SLC5A4: variants seen among roughly 807,000 people sequenced by gnomAD.
SLC5A4 encodes probable glucose sensor protein SLC5A4.
A neutral mutation model predicts 70.3 loss-of-function variants in SLC5A4; 55 were observed. The observed-to-expected ratio is 0.78, with a 90% CI of 0.63 to 0.98. The LOEUF (loss-of-function observed/expected upper bound fraction) is 0.98. Ranked by LOEUF, SLC5A4 falls within the 50% of genes least tolerant of loss-of-function variation. The probability of loss-of-function intolerance (pLI) is 0.00; values close to 1 mark genes in which losing one functional copy is unlikely to be tolerated. For missense variants in SLC5A4, 735 were observed against 839.2 expected (o/e 0.88, Z 1.53); for synonymous variants, 268 against 305.7 (o/e 0.88, Z 1.29).
At chr22:32,220,168 G>A (rs182680046) in intron 14 of SLC5A4, among the ~76,000 whole-genome samples, 2 of 152,084 alleles carry the variant, frequency 1.3e-5, no homozygotes, top group Non-Finnish European at 1.5e-5. Flanking sequence ...TCTGATTCAT[G>A]CTATGATAAC....
chr22:32,334,907 G>A, the SLC5A4 span, among the ~76,000 whole-genome samples: 25 of 152,360 alleles, frequency 1.6e-4, no homozygotes, highest in African/African-American at 6.0e-4. Flanking sequence ...GGGCATTTAT[G>A]ATAAGGACTT....
Position 32,224,422 on chromosome 22 carries a change from ACT to A in SLC5A4, c.1508_1509del (p.Glu503ValfsTer13), listed in dbSNP as rs746656883. The A allele has an allele frequency of 6.2e-7, 1 of 1,613,798 alleles. No homozygotes were observed. Among genetic ancestry groups the A allele is most frequent in the African/African-American group, 1.3e-5 (1 of 74,840 alleles). On this transcript the variant is annotated frameshift_variant, in exon 13 of 15. Transcript: ENST00000266086. LOFTEE classifies it high-confidence loss of function. The stretch of plus-strand genomic sequence containing the variant: ...AAGCAACTCCCTGTTCCATAAGCAA[ACT>A]CTGTTATCATACGAATGAGGCCCAT... ...LAMGLIRMITEFAYGTGSCLA... is the reference protein window; with the variant it reads ...LAMGLIRMITXFAYGTGSCLA...
the SLC5A4 span, among the ~76,000 whole-genome samples, chr22:32,308,342 T>C: frequency 6.6e-6 from 1 of 152,078 alleles, no homozygotes. Context: ...ATAGACACGG[T>C]GATTGCGAAG....
the SLC5A4 span, chr22:32,276,987 A>G: frequency 2.6e-5 from 4 of 152,156 alleles, no homozygotes; most frequent in South Asian, 8.3e-4. Flanking sequence ...ATCTCTTATG[A>G]CTATCAAACT....
chr22:32,310,916 C>G, the SLC5A4 span, among the ~76,000 whole-genome samples: 16 of 152,224 alleles, frequency 1.1e-4, no homozygotes, highest in African/African-American at 3.4e-4. Flanking sequence ...GGCACTCTTG[C>G]CCTCATCTCC....
chr22:32,219,211 C>G (rs192154275), intron 14 of SLC5A4, among the ~76,000 whole-genome samples: 3 of 152,220 alleles, frequency 2.0e-5, no homozygotes, highest in East Asian at 3.9e-4. Context: ...TGCGTGGAAA[C>G]AGGCACTCTT....
At chr22:32,274,308 G>A in the SLC5A4 span, among the ~76,000 whole-genome samples, 2 of 152,066 alleles carry the variant, frequency 1.3e-5, no homozygotes, top group Non-Finnish European at 2.9e-5. Context: ...CTAAAGTGCT[G>A]GGATTATAGG....
the SLC5A4 span, among the ~76,000 whole-genome samples, chr22:32,305,667 G>C: frequency 1.5e-4 from 20 of 131,518 alleles, 3 homozygotes; most frequent in Admixed American, 4.5e-4. Flanking sequence ...TGTGTTCAGC[G>C]TGAGGGACAC....
the SLC5A4 span, chr22:32,271,753 C>T: frequency 5.3e-4 from 312 of 587,984 alleles, 5 homozygotes; most frequent in South Asian, 4.8e-3. Flanking sequence ...ACTGTCCCCG[C>T]GGCTTCCTGT....
chr22:32,308,057 ATTCC>A, the SLC5A4 span, among the ~76,000 whole-genome samples: 51 of 152,108 alleles, frequency 3.4e-4, no homozygotes, highest in Middle Eastern at 3.4e-3. Flanking sequence ...CAGGTCTGTT[ATTCC>A]TTCCTTCCTT....
the SLC5A4 span, among the ~76,000 whole-genome samples, chr22:32,330,594 G>GTGTA: frequency 7.8e-6 from 1 of 128,628 alleles, no homozygotes; most frequent in Admixed American, 8.2e-5. Context: ...GTGTGTGTGT[G>GTGTA]TGTGTAGGAA....
At chr22:32,232,868 A>G in intron 9 of SLC5A4, 31 bp downstream of exon 9, 1 of 1,584,264 alleles carries the variant, frequency 6.3e-7, no homozygotes, top group South Asian at 1.1e-5. Flanking sequence ...CAAGCATAAA[A>G]AAAGAGAGAA....
intron 5 of SLC5A4, among the ~76,000 whole-genome samples, chr22:32,246,416 C>T (rs1254851953): frequency 1.3e-5 from 2 of 152,126 alleles, no homozygotes; most frequent in Non-Finnish European, 2.9e-5. Flanking sequence ...CATTAGTCAC[C>T]GATACATGAG....
chr22:32,313,202 C>T, the SLC5A4 span, among the ~76,000 whole-genome samples: 1 of 152,184 alleles, frequency 6.6e-6, no homozygotes, highest in Non-Finnish European at 1.5e-5. Flanking sequence ...ACCTGTAAGA[C>T]ATCAGATCAA....
chr22:32,224,530 A>C (rs1157604480), intron 12 of SLC5A4, 48 bp from the exon 13 acceptor site: 2 of 1,415,862 alleles, frequency 1.4e-6, no homozygotes, highest in Admixed American at 1.7e-5. Context: ...AAATATGAGA[A>C]GCTTATTCAA....
At chr22:32,330,515 G>A in the SLC5A4 span, among the ~76,000 whole-genome samples, 4 of 132,542 alleles carry the variant, frequency 3.0e-5, no homozygotes, top group Non-Finnish European at 3.2e-5. Context: ...TATGTGTTGG[G>A]GGCTGTGTGT....
At chr22:32,305,951 A>C in the SLC5A4 span, among the ~76,000 whole-genome samples, 3 of 149,984 alleles carry the variant, frequency 2.0e-5, no homozygotes, top group Non-Finnish European at 4.4e-5. Flanking sequence ...TCCACCTGCC[A>C]TTGGCATTGA....
chr22:32,288,954 T>G, the SLC5A4 span, among the ~76,000 whole-genome samples: 2 of 152,336 alleles, frequency 1.3e-5, no homozygotes, highest in Non-Finnish European at 2.9e-5. Context: ...ACCTTTTTTT[T>G]CTTGTTTGTG....
At chr22:32,265,666 C>A in the SLC5A4 span, among the ~76,000 whole-genome samples, 13 of 152,064 alleles carry the variant, frequency 8.5e-5, no homozygotes, top group Middle Eastern at 3.4e-3. Context: ...ATGGTGAAAC[C>A]CCCTCTCTAC....
Sources: gnomAD v4.1 joint callset for allele counts (sites outside exome capture counted in the v4.1 genomes callset) on GRCh38, gnomAD v4.1.1 for gene constraint, MANE v1.5 for transcripts, NCBI Gene and HGNC (gene_info 2026-07-23, HGNC 2026-07-21) for gene names.